TTC39A: variants seen among roughly 807,000 people sequenced by gnomAD.
The protein encoded by TTC39A is tetratricopeptide repeat protein 39A.
In TTC39A, 46 loss-of-function variants were observed where a neutral mutation model predicts 82.3. The ratio of observed to expected loss-of-function variants is 0.56; its 90% CI spans 0.44 to 0.71. The LOEUF is 0.71. Among genes scored for constraint, TTC39A ranks in the 30% least tolerant of loss-of-function variants. TTC39A has a pLI of 0.00. For synonymous variants in TTC39A, 254 were observed against 275.2 expected (o/e 0.92, Z 0.76); for missense variants, 543 against 712.9 (o/e 0.76, Z 2.71).
At chr1:51,305,255 G>GGTGGC in intron 7 of TTC39A, 109 bp from the exon 8 acceptor site, 1 of 1,060,012 alleles carries the variant, frequency 9.4e-7, no homozygotes, top group Non-Finnish European at 1.4e-6. Flanking sequence ...AGGGGAGAGG[G>GGTGGC]CCACCCCTCT....
At chr1:51,328,977 G>T (rs188798181) in intron 1 of TTC39A, among the ~76,000 whole-genome samples, 164 of 152,292 alleles carry the variant, frequency 1.1e-3, no homozygotes, top group African/African-American at 3.8e-3. Flanking sequence ...GTTGGGGACA[G>T]ATGGACAGGT....
At position 51,309,250 on chromosome 1, in the gene TTC39A, G is replaced by A. The variant is rs764536595; in HGVS notation, c.488+11C>T. 6.2e-7 allele frequency: 1 copy of A among 1,601,980 alleles called. No individual in the cohort carries two copies. Among genetic ancestry groups the A allele is most frequent in the Non-Finnish European group, 8.5e-7 (1 of 1,173,382 alleles). On this transcript the variant is annotated intron_variant, in intron 6 of 17. Transcript: ENST00000680483. ...GGGTCTCCCCACAAGCGGATGGCCA[G>A]CCCCACTCACTTGTAGGTCTGGTAG... is the stretch of plus-strand genomic sequence containing the variant.
rs1429008474 is a variant in TTC39A, at chr1:51,309,318, T to G, written c.431A>C (p.Asn144Thr). The G allele has an allele frequency of 6.2e-7, 1 of 1,612,896 alleles. No homozygotes were observed. The highest frequency in any genetic ancestry group is 8.5e-7 in the Non-Finnish European group (1 of 1,179,594). ...RAALTFLQDE[N>T]MVSFIKGGIK... Reference sequence around the variant, plus strand: ...GCCGCCTTTGATGAAGCTCACCATGTTCTCGTCCTGCAGGAGGAAAAGATG... The same window carrying G: ...GCCGCCTTTGATGAAGCTCACCATGGTCTCGTCCTGCAGGAGGAAAAGATG... Residue 144 changes from asparagine (N) to threonine (T), a missense_variant, in exon 6 of 18, where the codon AAC becomes ACC. Transcript: ENST00000680483.
At chr1:51,337,674 G>A (rs1031616641) in intron 1 of TTC39A, among the ~76,000 whole-genome samples, 9 of 151,998 alleles carry the variant, frequency 5.9e-5, no homozygotes, top group South Asian at 2.1e-4. Flanking sequence ...TGATCTGCCC[G>A]CCTCAGCCTC....
At chr1:51,333,127 G>A (rs533583647), upstream of TTC39A, among the ~76,000 whole-genome samples, 8 of 149,984 alleles carry the variant, frequency 5.3e-5, no homozygotes, top group African/African-American at 1.5e-4. Flanking sequence ...CAGGAGAATC[G>A]CTTGAACCCG....
At chr1:51,335,394 CA>C (rs1182375527), upstream of TTC39A, 14,536 of 94,206 alleles carry the variant, frequency 0.15, 846 homozygotes, top group African/African-American at 0.22. Context: ...ACTAAAAATA[CA>C]AAAAAAAAAA....
At chr1:51,291,721 G>A (rs1056037958) in intron 14 of TTC39A, among the ~76,000 whole-genome samples, 2 of 148,526 alleles carry the variant, frequency 1.3e-5, no homozygotes, top group South Asian at 2.1e-4. Flanking sequence ...TGGGAGGATC[G>A]CTGGAGCCCA....
At chr1:51,333,393 G>A (rs1273659588), upstream of TTC39A, among the ~76,000 whole-genome samples, 1 of 152,226 alleles carries the variant, frequency 6.6e-6, no homozygotes, top group Admixed American at 6.5e-5. Context: ...CTGGTCCAGA[G>A]CATTTTGGGT....
chr1:51,331,235 CT>C (rs1234435179), upstream of TTC39A: 1 of 1,549,828 alleles, frequency 6.5e-7, no homozygotes, highest in Admixed American at 2.0e-5. Flanking sequence ...CCTTGGCCCC[CT>C]CTCCCCTGCA....
rs1557699731 is a variant in TTC39A, at chr1:51,294,894, G to C, written c.1146-383C>G. Among the ~76,000 whole-genome samples the C allele has an allele frequency of 6.6e-6, 1 of 152,238 alleles. No individual in the cohort carries two copies. Among genetic ancestry groups the C allele is most frequent in the Non-Finnish European group, 1.5e-5 (1 of 68,044 alleles). On this transcript the variant is annotated intron_variant, in intron 13 of 17. Coordinates refer to ENST00000680483, the MANE Select transcript of TTC39A (RefSeq NM_001297663.2). The surrounding 1 kb of genome is among the most constrained non-coding windows in gnomAD (Gnocchi z 4.3). ...CAGGAGAGACCAACACTCGGAGAAAGGGTGGGACCTACCCAAGACCAAACA... is the reference window on the plus strand; with the variant it reads ...CAGGAGAGACCAACACTCGGAGAAACGGTGGGACCTACCCAAGACCAAACA...
chr1:51,329,432 G>C (rs1199378263), intron 1 of TTC39A, among the ~76,000 whole-genome samples: 1 of 152,180 alleles, frequency 6.6e-6, no homozygotes, highest in Non-Finnish European at 1.5e-5. Context: ...CAACAAAAAT[G>C]ATGAAGCTGA....
chr1:51,290,673 C>A, intron 14 of TTC39A, 48 bp from the exon 15 acceptor site: 4 of 1,496,654 alleles, frequency 2.7e-6, no homozygotes, highest in Non-Finnish European at 3.7e-6. Context: ...CCTAATGGGG[C>A]CTCAGTTTTC....
At chr1:51,295,601 G>C (rs1644384977) in intron 13 of TTC39A, 1 of 169,090 alleles carries the variant, frequency 5.9e-6, no homozygotes, top group African/African-American at 2.4e-5. Context: ...CTGCGAGGTG[G>C]AGGTTGTTGT....
At chr1:51,315,194 G>A (rs1282096933) in intron 2 of TTC39A, among the ~76,000 whole-genome samples, 1 of 152,206 alleles carries the variant, frequency 6.6e-6, no homozygotes, top group Non-Finnish European at 1.5e-5. Flanking sequence ...TGGCAGAAAT[G>A]TGGAATTTCT....
intron 13 of TTC39A, 44 bp downstream of exon 13, chr1:51,296,035 C>A (rs377540105): frequency 1.9e-6 from 3 of 1,547,518 alleles, no homozygotes; most frequent in Non-Finnish European, 1.8e-6. Flanking sequence ...GCGGCCTACA[C>A]GGTGGGAGTG....
chr1:51,288,302 G>A lies in TTC39A; in HGVS notation c.1611-22C>T, dbSNP rs773714616. ...TTGCCTGGAATTGAGCAGCGAATCA[G>A]ACACATGAGGCTGCCTGCTCCCAGA... On this transcript the variant is annotated intron_variant, in intron 17 of 17. Transcript: ENST00000680483. This position sits in a 1 kb window ranked among gnomAD's most constrained non-coding sequence, Gnocchi z 4.8. 3.7e-6 allele frequency: 6 copies of A among 1,613,816 alleles called. No homozygotes were observed. In the South Asian group the frequency reaches 5.5e-5, roughly 15 times the overall value.
chr1:51,329,118 A>G (rs1645818107), intron 1 of TTC39A, among the ~76,000 whole-genome samples: 1 of 152,218 alleles, frequency 6.6e-6, no homozygotes, highest in Admixed American at 6.5e-5. Context: ...CCGGGGTTGT[A>G]GAGGGCACTT....
Position 51,321,595 on chromosome 1 carries a change from C to T in TTC39A, c.146+126G>A. ...AGCTTGAGCCATTTTTATGGGACTT[C>T]TCAGAGGTCCTGGTGACCCAGAAAG... is the stretch of plus-strand genomic sequence containing the variant. On this transcript the variant is annotated intron_variant, in intron 2 of 17. Coordinates refer to ENST00000680483, the MANE Select transcript of TTC39A (RefSeq NM_001297663.2). This position sits in a 1 kb window ranked among gnomAD's most constrained non-coding sequence, Gnocchi z 4.6. 5 of 830,504 alleles carry T rather than the reference C, an allele frequency of 6.0e-6. No homozygotes were observed. The highest frequency in any genetic ancestry group is 9.7e-6 in the Non-Finnish European group (5 of 514,798). 51.4% of individuals were successfully genotyped at this position (830,504 alleles called of 1,614,324 possible). A position where few individuals can be genotyped will look rare whatever the true frequency, so the allele number is the denominator to read the frequency against.
chr1:51,332,850 C>T (rs986588985), upstream of TTC39A, among the ~76,000 whole-genome samples: 17 of 152,176 alleles, frequency 1.1e-4, no homozygotes, highest in African/African-American at 3.9e-4. Context: ...AGTGACACTT[C>T]TTTCTGATGG....
Sources: allele counts gnomAD v4.1 joint callset (sites outside exome capture counted in the v4.1 genomes callset), GRCh38; gene constraint gnomAD v4.1.1; non-coding constraint Gnocchi (gnomAD v3.1); transcripts MANE v1.5; gene names NCBI Gene and HGNC (gene_info 2026-07-23, HGNC 2026-07-21).